The following EYS variants were observed in gnomAD, a reference collection of about 807,000 sequenced individuals.
EYS encodes the protein protein eyes shut homolog.
A neutral mutation model predicts 282.1 loss-of-function variants in EYS; 250 were observed. The ratio of observed to expected loss-of-function variants is 0.89; its 90% CI spans 0.80 to 0.98. EYS has a LOEUF of 0.98. EYS is among the 50% of genes least tolerant of loss of function. EYS has a pLI of 0.00. For synonymous variants in EYS, 1,355 were observed against 1,282.9 expected (o/e 1.06, Z -1.20); for missense variants, 4,016 against 3,709.0 (o/e 1.08, Z -2.15).
chr6:65,168,611 A>C (rs967890629), intron 12 of EYS, among the ~76,000 whole-genome samples: 5 of 150,778 alleles, frequency 3.3e-5, no homozygotes, highest in Admixed American at 6.6e-5. Context: ...GGCTCCACCC[A>C]CCCTCCAATA....
intron 2 of EYS, among the ~76,000 whole-genome samples, chr6:65,537,632 C>T (rs1277515163): frequency 2.6e-5 from 4 of 151,922 alleles, no homozygotes; most frequent in Non-Finnish European, 5.9e-5. Flanking sequence ...AAATTCATTT[C>T]AAAAGAAAAC....
chr6:64,950,792 C>CATATATAT (rs762177788), intron 14 of EYS, among the ~76,000 whole-genome samples: 861 of 60,520 alleles, frequency 0.014, 24 homozygotes, highest in Non-Finnish European at 0.016. Context: ...TACACATATA[C>CATATATAT]ATATACATAT....
At chr6:65,219,114 T>A (rs1474473711) in intron 12 of EYS, among the ~76,000 whole-genome samples, 1 of 152,132 alleles carries the variant, frequency 6.6e-6, no homozygotes, top group African/African-American at 2.4e-5. Context: ...TAAAATATTT[T>A]AGGGGGCTCA....
intron 12 of EYS, among the ~76,000 whole-genome samples, chr6:65,274,986 G>T (rs1228199816): frequency 2.0e-5 from 3 of 151,232 alleles, no homozygotes; most frequent in African/African-American, 7.3e-5. Flanking sequence ...TCTTTATTTG[G>T]GTATTCCCAT....
intron 28 of EYS, among the ~76,000 whole-genome samples, chr6:64,394,111 A>C (rs1277442529): frequency 6.6e-6 from 1 of 152,198 alleles, no homozygotes; most frequent in Non-Finnish European, 1.5e-5. Flanking sequence ...ACTACAAACC[A>C]CTGCTCAATT....
At chr6:64,953,683 CAG>C (rs1217398804) in intron 14 of EYS, among the ~76,000 whole-genome samples, 1 of 151,522 alleles carries the variant, frequency 6.6e-6, no homozygotes, top group Non-Finnish European at 1.5e-5. Context: ...ATTATTCTGA[CAG>C]AAAGTAAATG....
intron 26 of EYS, among the ~76,000 whole-genome samples, chr6:64,523,171 C>T (rs1777811489): frequency 6.6e-6 from 1 of 151,504 alleles, no homozygotes; most frequent in Non-Finnish European, 1.5e-5. Context: ...TGGTTTTAGT[C>T]TTCCTAGAAG....
chr6:65,047,001 G>C (rs916977149), intron 13 of EYS, among the ~76,000 whole-genome samples: 1 of 151,612 alleles, frequency 6.6e-6, no homozygotes, highest in South Asian at 2.1e-4. Context: ...AGTTGTGCTT[G>C]CTTCCCCTTC....
intron 7 of EYS, among the ~76,000 whole-genome samples, chr6:65,394,011 G>A (rs1766165862): frequency 6.6e-6 from 1 of 151,958 alleles, no homozygotes; most frequent in African/African-American, 2.4e-5. Context: ...TTTAGTCAGT[G>A]GCATATTTTA....
chr6:64,836,914 A>G (rs949551366), intron 19 of EYS, among the ~76,000 whole-genome samples: 3 of 151,730 alleles, frequency 2.0e-5, no homozygotes, highest in Admixed American at 2.0e-4. Context: ...ATATAAATGT[A>G]TAAACTAGAG....
intron 7 of EYS, 86 bp downstream of exon 7, chr6:65,402,391 TA>T: frequency 9.9e-7 from 1 of 1,008,416 alleles, no homozygotes; most frequent in Non-Finnish European, 1.5e-6. Context: ...AAGTTAGGGT[TA>T]AAACCAGAAC....
chr6:63,786,929 G>A (rs1438701529), intron 39 of EYS, among the ~76,000 whole-genome samples: 1 of 152,122 alleles, frequency 6.6e-6, no homozygotes, highest in East Asian at 1.9e-4. Context: ...GTCCTGGTAA[G>A]TTGGTAACAA....
At chr6:65,090,340 C>T (rs1467312933) in intron 12 of EYS, among the ~76,000 whole-genome samples, 2 of 152,154 alleles carry the variant, frequency 1.3e-5, no homozygotes, top group African/African-American at 2.4e-5. Context: ...AGGTGCCTTG[C>T]TTCCCATTCA....
At chr6:64,042,018 G>C (rs904487715) in intron 33 of EYS, among the ~76,000 whole-genome samples, 1 of 151,960 alleles carries the variant, frequency 6.6e-6, no homozygotes. Flanking sequence ...TAAAATACCA[G>C]TGTAAGTGAG....
intron 8 of EYS, among the ~76,000 whole-genome samples, chr6:65,377,653 G>T (rs1279465899): frequency 6.6e-6 from 1 of 151,590 alleles, no homozygotes; most frequent in African/African-American, 2.4e-5. Flanking sequence ...AGAAAAGAGA[G>T]AAAAATCAAA....
intron 31 of EYS, among the ~76,000 whole-genome samples, chr6:64,120,174 T>C (rs1426514026): frequency 2.0e-5 from 3 of 148,590 alleles, no homozygotes; most frequent in African/African-American, 2.6e-5. Flanking sequence ...GGTGAAACCC[T>C]GTCTCTACTA....
intron 12 of EYS, among the ~76,000 whole-genome samples, chr6:65,185,519 A>G (rs909508885): frequency 1.3e-5 from 2 of 151,870 alleles, no homozygotes; most frequent in Admixed American, 1.3e-4. Context: ...AATTTATTCT[A>G]AACACAAAAT....
intron 25 of EYS, 60 bp from the exon 26 acceptor site, chr6:64,592,049 G>T: frequency 7.9e-7 from 1 of 1,263,970 alleles, no homozygotes; most frequent in Non-Finnish European, 1.1e-6. Flanking sequence ...AACCACTTTG[G>T]CACTGGGATA....
chr6:65,469,991 A>G (rs1009658457), intron 5 of EYS, among the ~76,000 whole-genome samples: 2 of 152,180 alleles, frequency 1.3e-5, no homozygotes, highest in South Asian at 2.1e-4. Context: ...AAAATTGTCT[A>G]TATAAGAGAT....
Sources: gnomAD v4.1 joint callset for allele counts (sites outside exome capture counted in the v4.1 genomes callset) on GRCh38, gnomAD v4.1.1 for gene constraint, MANE v1.5 for transcripts, NCBI Gene and HGNC (gene_info 2026-07-23, HGNC 2026-07-21) for gene names.